Variants in INPP1 observed in about 807,000 individuals in gnomAD.
INPP1 encodes inositol polyphosphate-1-phosphatase.
INPP1 carries 18 observed loss-of-function variants against 23.0 expected under a neutral mutation model. The ratio of observed to expected loss-of-function variants is 0.78; its 90% CI spans 0.54 to 1.16. The LOEUF (loss-of-function observed/expected upper bound fraction) is 1.16. Among genes scored for constraint, INPP1 ranks in the 50% most tolerant of loss-of-function variants. The pLI is 0.00. For missense variants in INPP1, 448 were observed against 482.1 expected, an observed-to-expected ratio of 0.93 and a Z score of 0.66; for synonymous variants, 164 against 176.3, an observed-to-expected ratio of 0.93 and a Z score of 0.55.
At position 190,366,723 on chromosome 2, in the gene INPP1, A is replaced by G. The variant is rs1575792377; in HGVS notation, c.294A>G (p.Ser98=). Residue 98 remains serine, a synonymous_variant, in exon 5 of 7, where the codon TCA becomes TCG. Transcript: ENST00000392329. ...WGEKITLRLC[S]TEEETAELLS... is the part of the protein sequence containing the mutation. Reference sequence around the variant, plus strand: ...AAAAGATTACCTTGAGGTTGTGTTCAACAGAGGAGGAAACAGCAGAGCTTC... The same window carrying G: ...AAAAGATTACCTTGAGGTTGTGTTCGACAGAGGAGGAAACAGCAGAGCTTC... The G allele has an allele frequency of 1.2e-6, 2 of 1,613,304 alleles. No homozygotes were observed. The highest frequency in any genetic ancestry group is 4.5e-5 in the East Asian group (2 of 44,878).
At chr2:190,351,117 A>G (rs575784272) in intron 2 of INPP1, among the ~76,000 whole-genome samples, 1 of 152,374 alleles carries the variant, frequency 6.6e-6, no homozygotes, top group South Asian at 2.1e-4. Flanking sequence ...GTTATGCAGT[A>G]CGAGTCCTAA....
Position 190,366,867 on chromosome 2 carries a change from C to T in INPP1, c.438C>T (p.Asp146=). 6.2e-7 allele frequency: 1 copy of T among 1,613,660 alleles called. No homozygotes were observed. Among genetic ancestry groups the T allele is most frequent in the Non-Finnish European group, 8.5e-7 (1 of 1,179,568 alleles). ...LDSTEINVPQ[D]ILGIWVDPID... is the part of the protein sequence containing the mutation. ...CCACAGAGATCAATGTTCCACAGGACATTTTGGGAATTTGGGTGGACCCCA... is the reference window on the plus strand; with the variant it reads ...CCACAGAGATCAATGTTCCACAGGATATTTTGGGAATTTGGGTGGACCCCA... Residue 146 remains aspartate, a synonymous_variant, in exon 5 of 7, where the codon GAC becomes GAT. Coordinates refer to ENST00000392329, the MANE Select transcript of INPP1 (RefSeq NM_001128928.2).
In INPP1 at chr2:190,371,062, C is replaced by T; in HGVS notation, c.860C>T (p.Ala287Val). ...SRVCGDRIFG[A>V]AGAGYKSLCV... ...GTGTGTGGAGATCGCATATTTGGGGCAGCTGGGGCTGGTTATAAGAGCCTA... is the reference window on the plus strand; with the variant it reads ...GTGTGTGGAGATCGCATATTTGGGGTAGCTGGGGCTGGTTATAAGAGCCTA... The change falls in exon 7 of 7, where the codon GCA becomes GTA. Residue 287 changes from alanine (A) to valine (V), a missense_variant. Ala to Val is a moderately conservative substitution (Grantham distance 64, BLOSUM62 0). Coordinates refer to ENST00000392329, the MANE Select transcript of INPP1 (RefSeq NM_001128928.2). This position sits in a 1 kb window ranked among gnomAD's most constrained non-coding sequence, Gnocchi z 5.3. The T allele has an allele frequency of 6.2e-7, 1 of 1,614,042 alleles. No homozygotes were observed. Among genetic ancestry groups the T allele is most frequent in the Non-Finnish European group, 8.5e-7 (1 of 1,180,008 alleles).
chr2:190,364,538 T>C (rs1438393619), intron 4 of INPP1, among the ~76,000 whole-genome samples: 3 of 117,478 alleles, frequency 2.6e-5, no homozygotes, highest in Non-Finnish European at 3.8e-5. Context: ...CAAGACTCCG[T>C]CTCAAAAAAA....
At position 190,371,177 on chromosome 2, in the gene INPP1, G is replaced by A. The variant is rs778634689; in HGVS notation, c.975G>A (p.Arg325=). 30 of 1,614,016 alleles carry A rather than the reference G, an allele frequency of 1.9e-5. No individual in the cohort carries two copies. The South Asian group carries it at 3.3e-4, about 18-fold the overall frequency. The change falls in exon 7 of 7, where the codon AGG becomes AGA. Residue 325 remains arginine, a synonymous_variant. Transcript: ENST00000392329. This position sits in a 1 kb window ranked among gnomAD's most constrained non-coding sequence, Gnocchi z 5.3. ...WDSCAAHAIL[R]AMGGGIVDLK... The stretch of plus-strand genomic sequence containing the variant: ...CTTGTGCTGCTCATGCCATACTGAG[G>A]GCCATGGGTGGGGGAATAGTAGACT...
chr2:190,358,722 C>T (rs575941149), intron 2 of INPP1, among the ~76,000 whole-genome samples: 2 of 152,240 alleles, frequency 1.3e-5, no homozygotes, highest in South Asian at 4.1e-4. Flanking sequence ...CAAGCTTTTC[C>T]AGTAAGAGGT....
At position 190,360,145 on chromosome 2, in the gene INPP1, G is replaced by C. The variant is rs1689506323; in HGVS notation, c.43G>C (p.Ala15Pro). Residue 15 changes from alanine to proline, a missense_variant, in exon 3 of 7, where the codon GCT (alanine) becomes CCT (proline). By Grantham distance (27) the Ala-to-Pro change is conservative. Transcript: ENST00000392329. The stretch of plus-strand genomic sequence containing the variant: ...GGAGCTGCTCTGTGTCTCTGAGAAG[G>C]CTGCTAACATTGCCCGGGCGTGCAG... ...LRELLCVSEK[A>P]ANIARACRQQ... 1.2e-6 allele frequency: 2 copies of C among 1,613,866 alleles called. No homozygotes were observed. Among genetic ancestry groups the C allele is most frequent in the African/African-American group, 2.7e-5 (2 of 74,930 alleles).
intron 4 of INPP1, among the ~76,000 whole-genome samples, chr2:190,364,554 A>AT (rs200608628): frequency 5.5e-4 from 77 of 139,718 alleles, no homozygotes; most frequent in Middle Eastern, 3.8e-3. Flanking sequence ...AAAAAAAAAA[A>AT]ATTTCAGTAG....
intron 2 of INPP1, among the ~76,000 whole-genome samples, chr2:190,349,613 A>G (rs1384077925): frequency 6.6e-6 from 1 of 152,168 alleles, no homozygotes; most frequent in East Asian, 1.9e-4. Flanking sequence ...GATAGTTAAG[A>G]TAGTTACATT....
Position 190,369,247 on chromosome 2 carries a change from CT to C in INPP1, c.615del (p.Phe205LeufsTer59). 1 of 1,592,978 alleles carries C rather than the reference CT, an allele frequency of 6.3e-7. No individual in the cohort carries two copies. Among genetic ancestry groups the C allele is most frequent in the Non-Finnish European group, 8.6e-7 (1 of 1,164,632 alleles). ...CCCCTGATGGGAGTCATCAATCAAC[CT>C]TTTGTGTCACGAGATCCAAACACCC... ...GVPLMGVINQ[P>X]FVSRDPNTLR... On this transcript the variant is annotated frameshift_variant, in exon 6 of 7. Coordinates refer to ENST00000392329, the MANE Select transcript of INPP1 (RefSeq NM_001128928.2). LOFTEE classifies it low-confidence loss of function (END_TRUNC).
In INPP1 at chr2:190,367,919, A is replaced by T. The variant is rs1689714178; in HGVS notation, c.466+1024A>T. ...AATACAAGTTCTAGGTAATAATTTT[A>T]ATAAGCTCCCCCTTCCTTTTTTTTC... On this transcript the variant is annotated intron_variant, in intron 5 of 6. Transcript: ENST00000392329. This position sits in a 1 kb window ranked among gnomAD's most constrained non-coding sequence, Gnocchi z 4.1. 6.6e-6 allele frequency among the ~76,000 whole-genome samples: 1 copy of T among 152,122 alleles called. No homozygotes were observed. Among genetic ancestry groups the T allele is most frequent in the South Asian group, 2.1e-4 (1 of 4,818 alleles).
chr2:190,347,615 A>T (rs1240787247), intron 1 of INPP1, among the ~76,000 whole-genome samples: 1 of 152,142 alleles, frequency 6.6e-6, no homozygotes, highest in African/African-American at 2.4e-5. Flanking sequence ...ATAGTAAATT[A>T]TCCATGTTTA....
chr2:190,345,006 A>T lies in INPP1; in HGVS notation c.-209+1045A>T, dbSNP rs1331847384. Among the ~76,000 whole-genome samples, 1 of 152,242 alleles carries T rather than the reference A, an allele frequency of 6.6e-6. No individual in the cohort carries two copies. The highest frequency in any genetic ancestry group is 1.5e-5 in the Non-Finnish European group (1 of 68,040). The stretch of plus-strand genomic sequence containing the variant: ...CCACTGAACTACTCTTGATTGGTGA[A>T]TTAGCTAAGTGATCTCATTCTTACC... On this transcript the variant is annotated intron_variant, in intron 1 of 6. Coordinates refer to ENST00000392329, the MANE Select transcript of INPP1 (RefSeq NM_001128928.2). The surrounding 1 kb of genome is among the most constrained non-coding windows in gnomAD (Gnocchi z 4.9).
chr2:190,371,494 G>T lies in INPP1; in HGVS notation c.*92G>T. The stretch of plus-strand genomic sequence containing the variant: ...TTGAGGATGGCTTTGTCCTGTTGCT[G>T]GTTAACATTCACCTTCCTCTTTTGA... On this transcript the variant is annotated 3_prime_UTR_variant, in exon 7 of 7. Coordinates refer to ENST00000392329, the MANE Select transcript of INPP1 (RefSeq NM_001128928.2). This position sits in a 1 kb window ranked among gnomAD's most constrained non-coding sequence, Gnocchi z 5.3. 1.1e-6 allele frequency: 1 copy of T among 921,216 alleles called. No homozygotes were observed. The highest frequency in any genetic ancestry group is 2.6e-5 in the South Asian group (1 of 38,806). 57.1% of individuals were successfully genotyped at this position (921,216 alleles called of 1,614,324 possible). A position where few individuals can be genotyped will look rare whatever the true frequency, so the allele number is the denominator to read the frequency against.
intron 3 of INPP1, 44 bp from the exon 4 acceptor site, chr2:190,362,583 T>G (rs780395507): frequency 1.7e-6 from 2 of 1,198,266 alleles, no homozygotes; most frequent in South Asian, 2.6e-5. Context: ...TGAGCATATG[T>G]GTGGGTTTTT....
intron 2 of INPP1, among the ~76,000 whole-genome samples, chr2:190,359,438 T>C (rs1465674752): frequency 1.3e-5 from 2 of 151,570 alleles, no homozygotes; most frequent in Non-Finnish European, 2.9e-5. Flanking sequence ...GCGCCTGTAG[T>C]CCCACCTACT....
chr2:190,343,941 C>T lies in INPP1; in HGVS notation c.-229C>T, dbSNP rs934500576. On this transcript the variant is annotated 5_prime_UTR_variant, in exon 1 of 7. Transcript: ENST00000392329. ...GAGGGAAAGGCTGCTGCCTCCTGCT[C>T]TGTCCTCATCCCCGGCTTAGGTAAC... 4.5e-6 allele frequency: 1 copy of T among 222,636 alleles called. No individual in the cohort carries two copies. 13.8% of individuals were successfully genotyped at this position (222,636 alleles called of 1,614,324 possible). A position where few individuals can be genotyped will look rare whatever the true frequency, so the allele number is the denominator to read the frequency against.
intron 4 of INPP1, among the ~76,000 whole-genome samples, chr2:190,365,855 C>T (rs371864212): frequency 1.2e-5 from 1 of 83,540 alleles, no homozygotes; most frequent in Non-Finnish European, 2.3e-5. Context: ...CGCTGTCTCT[C>T]TCGCTCTCTG....
rs758755066 is a variant in INPP1 at position 190,366,821 on chromosome 2, T to G, written c.392T>G (p.Phe131Cys). ...LARVVHQDVA[F>C]TDPTLDSTEI... The stretch of plus-strand genomic sequence containing the variant: ...AGGGTTGTTCATCAGGATGTTGCCT[T>G]TACTGACCCAACTCTGGATTCCACA... Residue 131 changes from phenylalanine to cysteine, a missense_variant, in exon 5 of 7, where the codon TTT (phenylalanine) becomes TGT (cysteine). Coordinates refer to ENST00000392329, the MANE Select transcript of INPP1 (RefSeq NM_001128928.2). 6.2e-7 allele frequency: 1 copy of G among 1,614,012 alleles called. No individual in the cohort carries two copies. Among genetic ancestry groups the G allele is most frequent in the African/African-American group, 1.3e-5 (1 of 74,940 alleles).
Sources: gnomAD v4.1 joint callset for allele counts (sites outside exome capture counted in the v4.1 genomes callset) on GRCh38, gnomAD v4.1.1 for gene constraint, Gnocchi (gnomAD v3.1) non-coding constraint, MANE v1.5 for transcripts, NCBI Gene and HGNC (gene_info 2026-07-23, HGNC 2026-07-21) for gene names.